Variants in SLC5A11 observed in about 807,000 individuals in gnomAD.
SLC5A11 encodes sodium/myo-inositol cotransporter 2.
In SLC5A11, 48 loss-of-function variants were observed where a neutral mutation model predicts 69.8. That is an observed-to-expected ratio of 0.69 (90% CI 0.55 to 0.87). The LOEUF (loss-of-function observed/expected upper bound fraction) is 0.87. SLC5A11 is among the 40% of genes least tolerant of loss of function. The pLI is 0.00. For missense variants in SLC5A11, 784 were observed against 866.1 expected, an observed-to-expected ratio of 0.91 and a Z score of 1.19; for synonymous variants, 319 against 342.4, an observed-to-expected ratio of 0.93 and a Z score of 0.75.
intron 3 of SLC5A11, among the ~76,000 whole-genome samples, chr16:24,868,596 CA>C (rs71156448): frequency 1.0e-3 from 126 of 123,916 alleles, no homozygotes; most frequent in East Asian, 2.4e-3. Flanking sequence ...GACTCCGCCT[CA>C]AAAAAAAAAA....
intron 7 of SLC5A11, among the ~76,000 whole-genome samples, chr16:24,878,325 G>T (rs1038983049): frequency 1.3e-5 from 2 of 152,182 alleles, no homozygotes; most frequent in African/African-American, 4.8e-5. Context: ...GGAGCCTGAG[G>T]GCAGGTAACC....
intron 7 of SLC5A11, among the ~76,000 whole-genome samples, chr16:24,883,715 C>T (rs555143347): frequency 1.2e-4 from 19 of 152,324 alleles, no homozygotes; most frequent in Admixed American, 6.5e-4. Context: ...CTTCTTAAAG[C>T]AAATGGTCTC....
intron 2 of SLC5A11, 142 bp downstream of exon 3, chr16:24,858,920 C>A: frequency 8.8e-7 from 1 of 1,138,240 alleles, no homozygotes; most frequent in Non-Finnish European, 1.2e-6. Flanking sequence ...GTAATCAGAA[C>A]TTAAAAATTT....
At chr16:24,910,474 A>G in exon 15 of SLC5A11, 1 of 1,613,908 alleles carries the variant, frequency 6.2e-7, no homozygotes, top group Non-Finnish European at 8.5e-7. Flanking sequence ...TAAAACCCAC[A>G]GCTGTGAGTA....
At position 24,857,522 on chromosome 16, in the gene SLC5A11, G is replaced by A. The variant is rs1872836382; in HGVS notation, c.-24-1098G>A. ...TGTCAGCAGGACTGAATTCCTTCTG[G>A]ATGTGCTAAGGAAGAATCTATTAAT... is the stretch of plus-strand genomic sequence containing the variant. On this transcript the variant is annotated intron_variant, in intron 1 of 15. Transcript: ENST00000347898. Among the ~76,000 whole-genome samples, 3 of 152,182 alleles carry A rather than the reference G, an allele frequency of 2.0e-5. No homozygotes were observed. The South Asian group carries it at 6.2e-4, about 32-fold the overall frequency.
At chr16:24,909,475 T>TA (rs2050330136) in intron 14 of SLC5A11, among the ~76,000 whole-genome samples, 2 of 151,180 alleles carry the variant, frequency 1.3e-5, no homozygotes, top group African/African-American at 4.9e-5. Context: ...TCCCGTCTCT[T>TA]AAAAAAATGA....
chr16:24,883,946 A>G (rs1390058292), intron 7 of SLC5A11, 105 bp from the exon 9 acceptor site: 6 of 1,009,094 alleles, frequency 5.9e-6, no homozygotes, highest in African/African-American at 1.6e-5. Context: ...AGTCAGCACT[A>G]AGAAATCTCC....
intron 10 of SLC5A11, among the ~76,000 whole-genome samples, chr16:24,901,377 G>A (rs1335033416): frequency 2.0e-5 from 3 of 152,172 alleles, no homozygotes; most frequent in African/African-American, 7.2e-5. Flanking sequence ...AAATTTGGGA[G>A]GCCAAGGCAG....
At chr16:24,890,768 G>T in intron 8 of SLC5A11, 101 bp from the exon 10 acceptor site, 1 of 1,102,826 alleles carries the variant, frequency 9.1e-7, no homozygotes, top group East Asian at 2.4e-5. Flanking sequence ...ATTTTTGGTG[G>T]CTCTGGTCCT....
chr16:24,847,594 G>A (rs1365116243), intron 1 of SLC5A11, among the ~76,000 whole-genome samples: 2 of 152,044 alleles, frequency 1.3e-5, no homozygotes, highest in African/African-American at 4.8e-5. Flanking sequence ...GAACTCAAGC[G>A]ATTCTCCCGC....
chr16:24,905,654 A>G (rs1004529031), intron 10 of SLC5A11, among the ~76,000 whole-genome samples: 2,589 of 150,606 alleles, frequency 0.017, 60 homozygotes, highest in Non-Finnish European at 0.024. Flanking sequence ...ACACACACAC[A>G]CACACACACA....
rs990144976 is a variant in SLC5A11, at chr16:24,906,924, C to T, written c.1115-101C>T. 561 of 1,507,204 alleles carry T rather than the reference C, an allele frequency of 3.7e-4. 3 individuals are homozygous for T. Among genetic ancestry groups the T allele is most frequent in the Admixed American group, 4.9e-4 (25 of 51,118 alleles). The allele number at this position is 1,507,204 out of a possible 1,614,324, so 93.4% of individuals were successfully genotyped here. A position where few individuals can be genotyped will look rare whatever the true frequency, so the allele number is the denominator to read the frequency against. ...CTACGTCCTGCAGGAAGCTCTGCCC[C>T]GCCGTCCTCCCTGAGGTTCTGCCTC... On this transcript the variant is annotated intron_variant, in intron 11 of 15. Coordinates refer to ENST00000347898, the Ensembl canonical transcript of SLC5A11.
At chr16:24,908,088 T>C in exon 13 of SLC5A11, 1 of 1,607,996 alleles carries the variant, frequency 6.2e-7, no homozygotes. Flanking sequence ...CCTGTGGCGG[T>C]GGTCTTCATC....
intron 9 of SLC5A11, among the ~76,000 whole-genome samples, chr16:24,895,274 A>G (rs558942406): frequency 6.6e-6 from 1 of 152,218 alleles, no homozygotes; most frequent in African/African-American, 2.4e-5. Flanking sequence ...GGATCACTTA[A>G]GGTCAGGAGT....
At chr16:24,870,979 A>C (rs2047261442) in intron 4 of SLC5A11, among the ~76,000 whole-genome samples, 2 of 151,732 alleles carry the variant, frequency 1.3e-5, no homozygotes, top group Non-Finnish European at 2.9e-5. Flanking sequence ...GATAAGATAC[A>C]CTCTCGTATA....
At chr16:24,884,443 AC>A (rs1385046258) in intron 8 of SLC5A11, among the ~76,000 whole-genome samples, 5 of 150,450 alleles carry the variant, frequency 3.3e-5, no homozygotes, top group Non-Finnish European at 5.9e-5. Flanking sequence ...TGACTCTCTC[AC>A]CTCAGCCTCC....
intron 1 of SLC5A11, among the ~76,000 whole-genome samples, 195 bp from the exon 3 acceptor site, chr16:24,858,425 G>A (rs2059623844): frequency 7.2e-6 from 1 of 139,676 alleles, no homozygotes; most frequent in Admixed American, 6.9e-5. Context: ...TTATGAATAT[G>A]TGTTGAATGA....
At position 24,858,869 on chromosome 16, in the gene SLC5A11, A is replaced by T. The variant is rs531304200; in HGVS notation, c.135+91A>T. ...TTAACCTCATCCTTTTGGAGCTAAG[A>T]TACTGACTGTGAGAGGAAGAAACTA... is the stretch of plus-strand genomic sequence containing the variant. On this transcript the variant is annotated intron_variant, in intron 2 of 15. Coordinates refer to ENST00000347898, the Ensembl canonical transcript of SLC5A11. 6.2e-6 allele frequency: 9 copies of T among 1,446,318 alleles called. No individual in the cohort carries two copies. The South Asian group carries it at 9.1e-5, about 15-fold the overall frequency. The allele number at this position is 1,446,318 out of a possible 1,614,324, so 89.6% of individuals were successfully genotyped here.
chr16:24,889,019 A>T (rs2048589501), intron 8 of SLC5A11, among the ~76,000 whole-genome samples: 1 of 151,366 alleles, frequency 6.6e-6, no homozygotes, highest in African/African-American at 2.4e-5. Context: ...CTGGTCTTGA[A>T]TTCCTGACCT....
Sources: allele counts gnomAD v4.1 joint callset (sites outside exome capture counted in the v4.1 genomes callset), GRCh38; gene constraint gnomAD v4.1.1; transcripts MANE v1.5; gene names NCBI Gene and HGNC (gene_info 2026-07-23, HGNC 2026-07-21).